Variants in PCDH9 observed in about 807,000 individuals in gnomAD.
The protein encoded by PCDH9 is protocadherin-9.
A neutral mutation model predicts 70.6 loss-of-function variants in PCDH9; 24 were observed. That is an observed-to-expected ratio of 0.34 (90% CI 0.25 to 0.48). The LOEUF is 0.48. Ranked by LOEUF, PCDH9 falls within the 20% of genes least tolerant of loss-of-function variation. The pLI, the probability that PCDH9 is intolerant of heterozygous loss-of-function variation, is 0.99. For synonymous variants in PCDH9, 562 were observed against 558.5 expected (o/e 1.01, Z -0.09); for missense variants, 1,281 against 1,503.6 (o/e 0.85, Z 2.45).
At chr13:67,039,300 G>A (rs2085066716) in intron 2 of PCDH9, among the ~76,000 whole-genome samples, 1 of 152,164 alleles carries the variant, frequency 6.6e-6, no homozygotes, top group Non-Finnish European at 1.5e-5. Context: ...CAGAACCTAA[G>A]TACCGGACCA....
chr13:66,607,805 G>A (rs2077240122), intron 4 of PCDH9, among the ~76,000 whole-genome samples: 1 of 151,984 alleles, frequency 6.6e-6, no homozygotes. Context: ...GAAAATAACT[G>A]AGGAAGGAAA....
intron 3 of PCDH9, among the ~76,000 whole-genome samples, chr13:66,845,603 C>A (rs1566235890): frequency 6.6e-6 from 1 of 152,136 alleles, no homozygotes; most frequent in Non-Finnish European, 1.5e-5. Flanking sequence ...ATGCCTGGAT[C>A]CACAGCGCTA....
chr13:67,172,857 G>T (rs2088332517), intron 2 of PCDH9, among the ~76,000 whole-genome samples: 1 of 114,394 alleles, frequency 8.7e-6, no homozygotes, highest in Admixed American at 1.3e-4. Flanking sequence ...CAGCCTGGGA[G>T]ACAGAGCGAG....
intron 4 of PCDH9, among the ~76,000 whole-genome samples, chr13:66,408,524 T>C (rs1481062949): frequency 2.6e-5 from 4 of 152,180 alleles, no homozygotes; most frequent in Non-Finnish European, 5.9e-5. Flanking sequence ...AAATTGGAAA[T>C]GTTAAACATA....
intron 4 of PCDH9, among the ~76,000 whole-genome samples, chr13:66,353,519 T>G (rs1956327359): frequency 6.6e-6 from 1 of 152,128 alleles, no homozygotes; most frequent in African/African-American, 2.4e-5. Context: ...CAATTTTAGA[T>G]TATTGCTTGA....
At chr13:66,710,051 A>G (rs903537859) in intron 3 of PCDH9, among the ~76,000 whole-genome samples, 1 of 152,140 alleles carries the variant, frequency 6.6e-6, no homozygotes, top group Admixed American at 6.5e-5. Flanking sequence ...GTCCTATGTC[A>G]GCTATTAAGA....
chr13:66,453,905 A>G (rs879808724), intron 4 of PCDH9, among the ~76,000 whole-genome samples: 3 of 152,184 alleles, frequency 2.0e-5, no homozygotes, highest in Admixed American at 2.0e-4. Flanking sequence ...TCAATAACCA[A>G]TATAAAAGGA....
intron 4 of PCDH9, among the ~76,000 whole-genome samples, chr13:66,516,716 ATCTC>A (rs143905336): frequency 3.3e-5 from 5 of 150,140 alleles, no homozygotes; most frequent in African/African-American, 9.8e-5. Flanking sequence ...ACCATCCGAA[ATCTC>A]TCTCTCTCTC....
chr13:66,918,285 C>T (rs1054299042), intron 2 of PCDH9, among the ~76,000 whole-genome samples: 29 of 151,060 alleles, frequency 1.9e-4, no homozygotes, highest in Admixed American at 6.0e-4. Flanking sequence ...ATTTTGCCTC[C>T]ATTTTAGATA....
intron 4 of PCDH9, among the ~76,000 whole-genome samples, chr13:66,353,451 A>C (rs2138176619): frequency 6.6e-6 from 1 of 152,296 alleles, no homozygotes; most frequent in African/African-American, 2.4e-5. Context: ...AAACAGGATA[A>C]GGTTACTGTT....
intron 2 of PCDH9, among the ~76,000 whole-genome samples, chr13:67,113,463 A>C (rs999589298): frequency 6.6e-6 from 1 of 152,180 alleles, no homozygotes; most frequent in African/African-American, 2.4e-5. Context: ...AAGTAATATA[A>C]GACTGTTCCT....
At chr13:66,669,613 A>C (rs2078144190) in intron 3 of PCDH9, among the ~76,000 whole-genome samples, 1 of 152,184 alleles carries the variant, frequency 6.6e-6, no homozygotes, top group Admixed American at 6.5e-5. Flanking sequence ...GCATCTCAGA[A>C]AACCAAATGG....
intron 3 of PCDH9, among the ~76,000 whole-genome samples, chr13:66,827,816 A>G (rs1048014060): frequency 1.3e-5 from 2 of 152,128 alleles, no homozygotes; most frequent in Non-Finnish European, 2.9e-5. Context: ...CTAGAGGATG[A>G]CCAGGGACAA....
At position 67,225,735 on chromosome 13, in the gene PCDH9, C is replaced by T; in HGVS notation, c.2706G>A (p.Gly902=). The change falls in exon 2 of 5, where the codon GGG becomes GGA. Residue 902 remains glycine, a synonymous_variant. Coordinates refer to ENST00000377865, the MANE Select transcript of PCDH9 (RefSeq NM_203487.3). ...PDDAVHEPIN[G]TISLPAELEE... ...CCAGTTCAGCCGGCAGGCTTATTGT[C>T]CCATTGATAGGTTCATGAACTGCAT... 2 of 1,614,066 alleles carry T rather than the reference C, an allele frequency of 1.2e-6. No individual in the cohort carries two copies. Among genetic ancestry groups the T allele is most frequent in the Non-Finnish European group, 1.7e-6 (2 of 1,179,950 alleles).
At chr13:67,086,645 A>G (rs553779641) in intron 2 of PCDH9, among the ~76,000 whole-genome samples, 4 of 152,310 alleles carry the variant, frequency 2.6e-5, no homozygotes, top group African/African-American at 9.6e-5. Flanking sequence ...ACTGTTGTTC[A>G]AGAGACTAGA....
chr13:67,046,807 T>C (rs965283596), intron 2 of PCDH9, among the ~76,000 whole-genome samples: 5 of 152,034 alleles, frequency 3.3e-5, no homozygotes, highest in Non-Finnish European at 7.4e-5. Flanking sequence ...TATAAACTTA[T>C]TTTTATCTGA....
At chr13:66,926,830 C>A (rs571254123) in intron 2 of PCDH9, among the ~76,000 whole-genome samples, 1 of 151,424 alleles carries the variant, frequency 6.6e-6, no homozygotes, top group Non-Finnish European at 1.5e-5. Context: ...AGCTTACATT[C>A]TTTTAGGGGT....
chr13:67,146,932 A>G (rs988795208), intron 2 of PCDH9, among the ~76,000 whole-genome samples: 5 of 152,224 alleles, frequency 3.3e-5, no homozygotes, highest in Admixed American at 3.3e-4. Flanking sequence ...GTTTGTCAGG[A>G]AACAACTGTG....
intron 2 of PCDH9, among the ~76,000 whole-genome samples, chr13:67,084,318 G>C (rs113543184): frequency 1.3e-5 from 2 of 152,056 alleles, no homozygotes; most frequent in Non-Finnish European, 2.9e-5. Flanking sequence ...ATTCTTCCTA[G>C]GGAGCCTAGA....
Sources: allele counts gnomAD v4.1 joint callset (sites outside exome capture counted in the v4.1 genomes callset), GRCh38; gene constraint gnomAD v4.1.1; transcripts MANE v1.5; gene names NCBI Gene and HGNC (gene_info 2026-07-23, HGNC 2026-07-21).